The following BCAS1 variants were observed in gnomAD, a reference collection of about 807,000 sequenced individuals.
BCAS1 encodes breast carcinoma-amplified sequence 1.
In BCAS1, 46 loss-of-function variants were observed where a neutral mutation model predicts 65.4. The ratio of observed to expected loss-of-function variants is 0.70; its 90% confidence interval spans 0.55 to 0.90. The LOEUF (loss-of-function observed/expected upper bound fraction) is 0.90. BCAS1 is among the 40% of genes least tolerant of loss of function. The pLI, the probability that BCAS1 is intolerant of heterozygous loss-of-function variation, is 0.00. For synonymous variants in BCAS1, 298 were observed against 293.5 expected (o/e 1.02, Z -0.16); for missense variants, 793 against 771.2 (o/e 1.03, Z -0.33).
chr20:53,975,908 G>A (rs2090321944), intron 8 of BCAS1, among the ~76,000 whole-genome samples: 1 of 152,144 alleles, frequency 6.6e-6, no homozygotes, highest in African/African-American at 2.4e-5. Flanking sequence ...TAATACAATA[G>A]GCAGGGTCCA....
chr20:54,005,318 C>CAAAA (rs2091160137), intron 4 of BCAS1, among the ~76,000 whole-genome samples: 1 of 151,916 alleles, frequency 6.6e-6, no homozygotes, highest in Non-Finnish European at 1.5e-5. Context: ...CAAAACAAAA[C>CAAAA]AAAACAAAAC....
intron 12 of BCAS1, among the ~76,000 whole-genome samples, chr20:53,945,402 TTC>T (rs1377475718): frequency 8.1e-6 from 1 of 123,718 alleles, no homozygotes; most frequent in Non-Finnish European, 1.8e-5. Context: ...TTTTATTTTC[TTC>T]TTTTTTTTTT....
intron 3 of BCAS1, among the ~76,000 whole-genome samples, chr20:54,057,297 T>C (rs966472824): frequency 2.0e-5 from 3 of 152,216 alleles, no homozygotes; most frequent in African/African-American, 7.2e-5. Context: ...AAGGAATATA[T>C]GAAATATCGC....
intron 1 of BCAS1, 115 bp from the exon 2 acceptor site, chr20:54,058,838 G>C: frequency 8.5e-7 from 1 of 1,174,216 alleles, no homozygotes; most frequent in East Asian, 2.4e-5. Context: ...ATCATCAGCT[G>C]AGATCAGAAC....
intron 3 of BCAS1, among the ~76,000 whole-genome samples, chr20:54,051,249 C>T (rs2092207453): frequency 1.3e-5 from 2 of 152,114 alleles, no homozygotes; most frequent in Non-Finnish European, 1.5e-5. Flanking sequence ...GATCTCTGAG[C>T]CATGGGAGAT....
At chr20:53,995,368 T>C (rs1455472637) in intron 5 of BCAS1, among the ~76,000 whole-genome samples, 3 of 152,248 alleles carry the variant, frequency 2.0e-5, no homozygotes, top group Non-Finnish European at 4.4e-5. Flanking sequence ...TGCAACCCTC[T>C]GGTGTTTGTG....
chr20:53,950,309 C>T (rs2089475806), intron 12 of BCAS1, among the ~76,000 whole-genome samples: 1 of 152,200 alleles, frequency 6.6e-6, no homozygotes, highest in East Asian at 1.9e-4. Context: ...TTTGCCAGGG[C>T]TGTCCCCTCC....
chr20:53,973,192 G>T lies in BCAS1; in HGVS notation c.1317+2197C>A, dbSNP rs565244619. On this transcript the variant is annotated intron_variant, in intron 9 of 12. Coordinates refer to ENST00000688948, the MANE Select transcript of BCAS1 (RefSeq NM_001366298.2). ...TGCAGTGAGCCGAGATTGCGCCACT[G>T]CACTCCAGCCTGGGTGAAAAGAGCA... 2.7e-4 allele frequency among the ~76,000 whole-genome samples: 41 copies of T among 152,286 alleles called. No homozygotes were observed. The South Asian group carries it at 8.1e-3, about 30-fold the overall frequency.
chr20:54,054,200 T>C (rs1272184932), intron 3 of BCAS1, among the ~76,000 whole-genome samples: 1 of 152,070 alleles, frequency 6.6e-6, no homozygotes. Flanking sequence ...CCATGACACG[T>C]GGGGATTATG....
At chr20:54,056,325 G>C (rs1331780427) in intron 3 of BCAS1, among the ~76,000 whole-genome samples, 1 of 152,086 alleles carries the variant, frequency 6.6e-6, no homozygotes, top group East Asian at 1.9e-4. Flanking sequence ...TGGAACTGGA[G>C]GCCATTATCC....
chr20:53,974,107 T>C (rs2090259819), intron 9 of BCAS1, among the ~76,000 whole-genome samples: 1 of 152,130 alleles, frequency 6.6e-6, no homozygotes, highest in Non-Finnish European at 1.5e-5. Flanking sequence ...GGATTGTAAA[T>C]GCACCAATCA....
At chr20:53,952,503 GTTAAA>G (rs199703222) in intron 12 of BCAS1, among the ~76,000 whole-genome samples, 1,581 of 152,328 alleles carry the variant, frequency 0.01, 12 homozygotes, top group Middle Eastern at 0.044. Flanking sequence ...TTATACCCCT[GTTAAA>G]TTAAATAAGC....
chr20:54,007,434 C>G (rs190188416), intron 4 of BCAS1, among the ~76,000 whole-genome samples: 48 of 152,298 alleles, frequency 3.2e-4, no homozygotes, highest in African/African-American at 9.9e-4. Context: ...CTTCCGTAAC[C>G]TGGAGAAAGA....
chr20:54,019,164 C>T (rs931689187), intron 4 of BCAS1, among the ~76,000 whole-genome samples: 3 of 152,180 alleles, frequency 2.0e-5, no homozygotes, highest in Non-Finnish European at 4.4e-5. Context: ...CTTCTTCAAA[C>T]CCACAGCCAA....
At position 54,056,238 on chromosome 20, in the gene BCAS1, T is replaced by TAC. The variant is rs147707061; in HGVS notation, c.142+1845_142+1846dup. On this transcript the variant is annotated intron_variant, in intron 3 of 12. Coordinates refer to ENST00000688948, the MANE Select transcript of BCAS1 (RefSeq NM_001366298.2). ...GATGTGTTGAATATATATATACACA[T>TAC]ACACACACACACACACACCATGGAA... is the stretch of plus-strand genomic sequence containing the variant. Among the ~76,000 whole-genome samples the TAC allele has an allele frequency of 8.9e-3, 1,329 of 149,542 alleles. 23 individuals are homozygous for TAC. The highest frequency in any genetic ancestry group is 0.029 in the African/African-American group (1,195 of 40,838).
intron 4 of BCAS1, among the ~76,000 whole-genome samples, chr20:54,008,473 G>A (rs958252246): frequency 6.6e-6 from 1 of 152,162 alleles, no homozygotes; most frequent in Non-Finnish European, 1.5e-5. Flanking sequence ...AAGGTCATGT[G>A]AGCAGAAAAC....
chr20:53,974,475 A>G (rs1044580667), intron 9 of BCAS1, among the ~76,000 whole-genome samples: 4 of 152,202 alleles, frequency 2.6e-5, no homozygotes, highest in Non-Finnish European at 4.4e-5. Flanking sequence ...TTTATTCCAC[A>G]TCACAGACAA....
At chr20:54,046,889 T>C (rs2092119198) in intron 3 of BCAS1, among the ~76,000 whole-genome samples, 1 of 151,264 alleles carries the variant, frequency 6.6e-6, no homozygotes, top group African/African-American at 2.4e-5. Flanking sequence ...TAGGATCAGC[T>C]TATTTCTGCT....
In BCAS1 at chr20:54,049,280, C is replaced by T. The variant is rs142559029; in HGVS notation, c.142+8805G>A. ...TGACTAGGAGCAAAAAAGGAAAATACTAATTTTAGAAACCTTTTATCCAGG... is the reference window on the plus strand; with the variant it reads ...TGACTAGGAGCAAAAAAGGAAAATATTAATTTTAGAAACCTTTTATCCAGG... On this transcript the variant is annotated intron_variant, in intron 3 of 12. Coordinates refer to ENST00000688948, the MANE Select transcript of BCAS1 (RefSeq NM_001366298.2). Among the ~76,000 whole-genome samples the T allele has an allele frequency of 1.9e-3, 292 of 152,250 alleles. 2 individuals carry two copies. Among genetic ancestry groups the T allele is most frequent in the African/African-American group, 6.7e-3 (278 of 41,528 alleles).
Sources: allele counts gnomAD v4.1 joint callset (sites outside exome capture counted in the v4.1 genomes callset), GRCh38; gene constraint gnomAD v4.1.1; transcripts MANE v1.5; gene names NCBI Gene and HGNC (gene_info 2026-07-23, HGNC 2026-07-21).